LIMK1: variants seen among roughly 807,000 people sequenced by gnomAD.
The protein encoded by LIMK1 is LIM motif-containing protein kinase.
In LIMK1, 21 loss-of-function variants were observed where a neutral mutation model predicts 77.6. The observed-to-expected ratio is 0.27, with a 90% CI of 0.19 to 0.39. The LOEUF (loss-of-function observed/expected upper bound fraction) is 0.39, where lower values mean the gene tolerates loss of function less well. LIMK1 is among the 10% of genes least tolerant of loss of function. The pLI, the probability that LIMK1 is intolerant of heterozygous loss-of-function variation, is 1.00. For missense variants in LIMK1, 696 were observed against 901.6 expected (o/e 0.77, Z 2.92); for synonymous variants, 358 against 370.0 (o/e 0.97, Z 0.37).
chr7:74,108,030 C>A, intron 9 of LIMK1, 73 bp downstream of exon 9: 1 of 1,074,536 alleles, frequency 9.3e-7, no homozygotes, highest in South Asian at 1.3e-5. Context: ...CAACACAGGT[C>A]GGAAAAGGGC....
intron 5 of LIMK1, among the ~76,000 whole-genome samples, chr7:74,100,837 G>A (rs1157285889): frequency 2.6e-5 from 4 of 151,486 alleles, no homozygotes; most frequent in Admixed American, 2.0e-4. Context: ...CTGGGTTCAC[G>A]CCATTCTCCT....
Position 74,108,898 on chromosome 7 carries a change from C to T in LIMK1, c.1153-7C>T. On this transcript the variant is annotated splice_polypyrimidine_tract_variant and splice_region_variant and intron_variant, in intron 9 of 15. Transcript: ENST00000336180. ...AGCCCGGGCCCAGCCTGTTTGTGCC[C>T]CGCCAGGTGAAGGTCATGCGATGCC... 1.2e-6 allele frequency: 2 copies of T among 1,612,484 alleles called. No individual in the cohort carries two copies. Among genetic ancestry groups the T allele is most frequent in the Admixed American group, 1.7e-5 (1 of 59,934 alleles).
chr7:74,105,298 T>C (rs1799544474), intron 5 of LIMK1, among the ~76,000 whole-genome samples: 1 of 151,996 alleles, frequency 6.6e-6, no homozygotes, highest in African/African-American at 2.4e-5. Flanking sequence ...TTGCATGAGC[T>C]CAGGAGTTCG....
chr7:74,121,319 G>A lies in LIMK1; in HGVS notation c.*18G>A. 1 of 1,561,604 alleles carries A rather than the reference G, an allele frequency of 6.4e-7. No individual in the cohort carries two copies. Among genetic ancestry groups the A allele is most frequent in the Non-Finnish European group, 8.6e-7 (1 of 1,156,822 alleles). ...CCGACTGAGCCAGGGCCACTCAGCTGCCCCTGTCCCCACCTCTGGAGAATC... is the reference window on the plus strand; with the variant it reads ...CCGACTGAGCCAGGGCCACTCAGCTACCCCTGTCCCCACCTCTGGAGAATC... On this transcript the variant is annotated 3_prime_UTR_variant, in exon 16 of 16. Coordinates refer to ENST00000336180, the MANE Select transcript of LIMK1 (RefSeq NM_002314.4).
At chr7:74,090,679 G>A (rs991825698) in intron 2 of LIMK1, among the ~76,000 whole-genome samples, 1 of 152,158 alleles carries the variant, frequency 6.6e-6, no homozygotes, top group African/African-American at 2.4e-5. Flanking sequence ...TTGTTCCAGG[G>A]CCCCTCACCC....
At chr7:74,097,261 C>G in intron 4 of LIMK1, 72 bp downstream of exon 4, 1 of 949,858 alleles carries the variant, frequency 1.1e-6, no homozygotes. Context: ...TGCTGACTCT[C>G]CCACACCCGG....
chr7:74,116,110 G>A lies in LIMK1; in HGVS notation c.1567+152G>A, dbSNP rs1799802795. ...TGTTGCTCCTATAACACACTTAGTGGCAGCCAGGCACGGTGGCTCACGCCT... is the reference window on the plus strand; with the variant it reads ...TGTTGCTCCTATAACACACTTAGTGACAGCCAGGCACGGTGGCTCACGCCT... On this transcript the variant is annotated intron_variant, in intron 13 of 15. Coordinates refer to ENST00000336180, the MANE Select transcript of LIMK1 (RefSeq NM_002314.4). The A allele has an allele frequency of 6.3e-6, 5 of 791,894 alleles. No homozygotes were observed. In the Admixed American group the frequency reaches 8.8e-5, roughly 14 times the overall value. The allele number at this position is 791,894 out of a possible 1,614,324, so 49.1% of individuals were successfully genotyped here.
chr7:74,103,243 T>C (rs1256650484), intron 5 of LIMK1, among the ~76,000 whole-genome samples: 8 of 151,216 alleles, frequency 5.3e-5, no homozygotes, highest in African/African-American at 1.7e-4. Context: ...AAGTAAAATG[T>C]TTTTCCTTTT....
At chr7:74,116,869 T>TTTTTTTA (rs1326435769) in intron 13 of LIMK1, among the ~76,000 whole-genome samples, 1 of 151,688 alleles carries the variant, frequency 6.6e-6, no homozygotes, top group African/African-American at 2.4e-5. Context: ...ACCCAGCTAA[T>TTTTTTTA]TTTTTTATTT....
At chr7:74,117,918 G>A (rs1454821976) in intron 13 of LIMK1, among the ~76,000 whole-genome samples, 1 of 151,898 alleles carries the variant, frequency 6.6e-6, no homozygotes, top group Non-Finnish European at 1.5e-5. Context: ...GACCAGCCTG[G>A]CCAACATGGT....
rs782586766 is a variant in LIMK1, at chr7:74,099,107, G to C, written c.477G>C (p.Leu159=). Residue 159 remains leucine (L), a synonymous_variant, in exon 5 of 16, where the codon CTG becomes CTC. Coordinates refer to ENST00000336180, the MANE Select transcript of LIMK1 (RefSeq NM_002314.4). ...QILPDSPGSH[L]PHTVTLVSIP... The stretch of plus-strand genomic sequence containing the variant: ...TGCCTGACTCCCCTGGCTCCCACCT[G>C]CCCCACACCGTCACCCTGGTGTCCA... 6.2e-7 allele frequency: 1 copy of C among 1,613,622 alleles called. No homozygotes were observed. The highest frequency in any genetic ancestry group is 1.7e-5 in the Admixed American group (1 of 60,008).
At chr7:74,090,828 C>G (rs1799221720) in intron 2 of LIMK1, among the ~76,000 whole-genome samples, 1 of 152,300 alleles carries the variant, frequency 6.6e-6, no homozygotes, top group South Asian at 2.1e-4. Context: ...TCCTAGGGTC[C>G]CTGAGTCAGT....
At chr7:74,111,218 C>T (rs965421829) in intron 10 of LIMK1, 1 of 170,406 alleles carries the variant, frequency 5.9e-6, no homozygotes, top group Non-Finnish European at 1.3e-5. Flanking sequence ...GGGCAGATCA[C>T]CTGAGGTAAG....
chr7:74,086,179 G>A (rs1267468772), intron 2 of LIMK1, among the ~76,000 whole-genome samples: 2 of 151,974 alleles, frequency 1.3e-5, no homozygotes, highest in Non-Finnish European at 2.9e-5. Context: ...TGGAGTAGCT[G>A]GGATTACAGG....
chr7:74,101,358 T>C (rs1799455502), intron 5 of LIMK1, among the ~76,000 whole-genome samples: 2 of 152,162 alleles, frequency 1.3e-5, no homozygotes, highest in Non-Finnish European at 2.9e-5. Context: ...ATGAAGACAG[T>C]CAGCTGGGTG....
intron 2 of LIMK1, among the ~76,000 whole-genome samples, chr7:74,086,789 C>T (rs1167374092): frequency 2.0e-5 from 3 of 152,120 alleles, no homozygotes; most frequent in Non-Finnish European, 4.4e-5. Context: ...AAGGAATGTC[C>T]CTCCTGCCTT....
rs1554700581 is a variant in LIMK1 at position 74,121,278 on chromosome 7, G to A, written c.1921G>A (p.Ala641Thr). 3.1e-6 allele frequency: 5 copies of A among 1,606,910 alleles called. No individual in the cohort carries two copies. Among genetic ancestry groups the A allele is most frequent in the Non-Finnish European group, 4.2e-6 (5 of 1,177,962 alleles). Residue 641 changes from alanine to threonine, a missense_variant, in exon 16 of 16, where the codon GCC becomes ACC. Physicochemically the swap from Ala to Thr is moderately conservative, Grantham distance 58. This residue lies in a region of LIMK1 where 438 missense variants were observed against 602.3 expected (regional missense o/e 0.73). Transcript: ENST00000336180. ...TYRRGESGLP[A>T]HPEVPD ...CCGGCGCGGCGAGAGCGGACTGCCTGCCCACCCTGAGGTCCCCGACTGAGC... is the reference window on the plus strand; with the variant it reads ...CCGGCGCGGCGAGAGCGGACTGCCTACCCACCCTGAGGTCCCCGACTGAGC...
chr7:74,098,583 A>T (rs1387737241), intron 4 of LIMK1, among the ~76,000 whole-genome samples: 1 of 152,100 alleles, frequency 6.6e-6, no homozygotes, highest in Admixed American at 6.6e-5. Context: ...GCAGTGGCTC[A>T]CCCCTATAAT....
chr7:74,099,072 G>C lies in LIMK1; in HGVS notation c.442G>C (p.Glu148Gln), dbSNP rs782534356. 2 of 1,612,980 alleles carry C rather than the reference G, an allele frequency of 1.2e-6. No individual in the cohort carries two copies. Among genetic ancestry groups the C allele is most frequent in the Admixed American group, 3.3e-5 (2 of 59,982 alleles). ...YYQTVVTPVI[E>Q]QILPDSPGSH... The stretch of plus-strand genomic sequence containing the variant: ...CCAGACTGTGGTGACCCCCGTCATC[G>C]AGCAGATCCTGCCTGACTCCCCTGG... Residue 148 changes from glutamate to glutamine, a missense_variant, in exon 5 of 16, where the codon GAG (glutamate) becomes CAG (glutamine). This residue lies in a region of LIMK1 where 252 missense variants were observed against 279.4 expected (regional missense o/e 0.90). Coordinates refer to ENST00000336180, the MANE Select transcript of LIMK1 (RefSeq NM_002314.4).
Sources: gnomAD v4.1 joint callset for allele counts (sites outside exome capture counted in the v4.1 genomes callset) on GRCh38, gnomAD v4.1.1 for gene constraint, gnomAD v4.1.1 regional missense constraint, MANE v1.5 for transcripts, NCBI Gene and HGNC (gene_info 2026-07-23, HGNC 2026-07-21) for gene names.